Variants in NCALD observed in about 807,000 individuals in gnomAD.
NCALD encodes the protein neurocalcin-delta.
NCALD carries 10 observed loss-of-function variants against 18.6 expected under a neutral mutation model. The ratio of observed to expected loss-of-function variants is 0.54; its 90% CI spans 0.33 to 0.91. The LOEUF is 0.91. Ranked by LOEUF, NCALD falls within the 40% of genes least tolerant of loss-of-function variation. The probability of loss-of-function intolerance (pLI) is 0.03; values close to 1 mark genes in which losing one functional copy is unlikely to be tolerated. For synonymous variants in NCALD, 88 were observed against 87.4 expected (o/e 1.01, Z -0.04); for missense variants, 184 against 247.6 (o/e 0.74, Z 1.72).
At chr8:102,032,809 C>G (rs1012919535) in intron 1 of NCALD, among the ~76,000 whole-genome samples, 3 of 152,066 alleles carry the variant, frequency 2.0e-5, no homozygotes, top group Non-Finnish European at 2.9e-5. Context: ...GCCAGTTCTT[C>G]CCAGCCACCC....
intron 3 of NCALD, among the ~76,000 whole-genome samples, chr8:101,909,888 C>G (rs1309369423): frequency 6.6e-6 from 1 of 152,162 alleles, no homozygotes; most frequent in East Asian, 1.9e-4. Context: ...AGACCCATAG[C>G]AAGCAACGTA....
intron 1 of NCALD, among the ~76,000 whole-genome samples, chr8:101,756,667 C>G (rs57034816): frequency 6.6e-6 from 1 of 152,194 alleles, no homozygotes; most frequent in Admixed American, 6.5e-5. Flanking sequence ...GAAGAATTAA[C>G]TAAAATAAGA....
chr8:101,819,695 T>G (rs73698849), intron 4 of NCALD, among the ~76,000 whole-genome samples: 11,009 of 152,152 alleles, frequency 0.072, 1,285 homozygotes, highest in African/African-American at 0.25. Flanking sequence ...ATTTAAAAGA[T>G]TTGGGATCTT....
intron 3 of NCALD, chr8:101,692,458 C>A: frequency 1.0e-6 from 1 of 985,436 alleles, no homozygotes; most frequent in Non-Finnish European, 1.2e-6. Flanking sequence ...AGGGACCCAG[C>A]CTGCTATAGC....
intron 1 of NCALD, among the ~76,000 whole-genome samples, chr8:102,049,911 C>T (rs1823374126): frequency 6.6e-6 from 1 of 151,642 alleles, no homozygotes; most frequent in South Asian, 2.1e-4. Context: ...GCCTGTAATC[C>T]CAGCACTTTG....
At chr8:101,828,497 T>C (rs950680044) in intron 4 of NCALD, among the ~76,000 whole-genome samples, 6 of 152,090 alleles carry the variant, frequency 3.9e-5, no homozygotes, top group African/African-American at 1.4e-4. Flanking sequence ...TTCTCAGTGA[T>C]GCTCTCTCTG....
chr8:101,895,227 G>A (rs1384010510), intron 3 of NCALD, among the ~76,000 whole-genome samples: 1 of 146,954 alleles, frequency 6.8e-6, no homozygotes, highest in African/African-American at 2.7e-5. Flanking sequence ...ATCAATAAAT[G>A]TAATCCAGCA....
At chr8:101,787,945 G>T (rs1014780003) in intron 1 of NCALD, among the ~76,000 whole-genome samples, 1 of 152,142 alleles carries the variant, frequency 6.6e-6, no homozygotes, top group Non-Finnish European at 1.5e-5. Flanking sequence ...GTTTTAACTC[G>T]CATAACTTGT....
chr8:101,921,051 C>T (rs1450494964), intron 2 of NCALD, among the ~76,000 whole-genome samples: 2 of 152,022 alleles, frequency 1.3e-5, no homozygotes, highest in Admixed American at 6.5e-5. Flanking sequence ...TCAGCATGTC[C>T]GATTGAGAAG....
chr8:101,864,784 CG>C (rs1815698930), intron 4 of NCALD, among the ~76,000 whole-genome samples: 1 of 151,854 alleles, frequency 6.6e-6, no homozygotes, highest in Non-Finnish European at 1.5e-5. Flanking sequence ...TTAGTAGAGA[CG>C]GGGTTTCACC....
At chr8:101,761,573 T>C (rs1811110404) in intron 1 of NCALD, among the ~76,000 whole-genome samples, 1 of 152,214 alleles carries the variant, frequency 6.6e-6, no homozygotes, top group African/African-American at 2.4e-5. Context: ...ATTAAGAACT[T>C]ATCATTTGAA....
At position 101,808,512 on chromosome 8, in the gene NCALD, C is replaced by T. The variant is rs1275511885; in HGVS notation, c.-20+78629G>A. Among the ~76,000 whole-genome samples, 3 of 152,244 alleles carry T rather than the reference C, an allele frequency of 2.0e-5. No homozygotes were observed. The East Asian group carries it at 5.8e-4, about 29-fold the overall frequency. On this transcript the variant is annotated intron_variant, in intron 4 of 6. Transcript: ENST00000311028. Reference sequence around the variant, plus strand: ...TCTTCCATAGATATAGAATCTTTAGCTTGTTAATAGCTGCAAAGAATAAAG... The same window carrying T: ...TCTTCCATAGATATAGAATCTTTAGTTTGTTAATAGCTGCAAAGAATAAAG...
At chr8:102,072,433 A>T (rs1048298957) in intron 1 of NCALD, among the ~76,000 whole-genome samples, 17 of 152,212 alleles carry the variant, frequency 1.1e-4, no homozygotes, top group Admixed American at 5.9e-4. Context: ...AGGTTTAACC[A>T]CATGAAATTT....
At chr8:101,711,378 A>G (rs1050945213) in intron 2 of NCALD, among the ~76,000 whole-genome samples, 1 of 152,002 alleles carries the variant, frequency 6.6e-6, no homozygotes, top group Middle Eastern at 3.2e-3. Flanking sequence ...ATGGATCACA[A>G]CCCCTCGCGG....
intron 2 of NCALD, among the ~76,000 whole-genome samples, chr8:101,977,221 A>AT (rs566258043): frequency 1.3e-5 from 2 of 150,466 alleles, no homozygotes; most frequent in Non-Finnish European, 1.5e-5. Context: ...ATTACCCAGA[A>AT]TTTTTTTTTA....
intron 2 of NCALD, among the ~76,000 whole-genome samples, chr8:101,707,490 G>A (rs1190988898): frequency 1.3e-5 from 2 of 152,166 alleles, no homozygotes; most frequent in African/African-American, 4.8e-5. Flanking sequence ...ATTCATCACA[G>A]GGGTGAATCA....
At chr8:101,825,486 G>A (rs1813898291) in intron 4 of NCALD, among the ~76,000 whole-genome samples, 1 of 152,234 alleles carries the variant, frequency 6.6e-6, no homozygotes, top group Non-Finnish European at 1.5e-5. Flanking sequence ...TGGAGAGTGA[G>A]ATCATCTTTG....
intron 2 of NCALD, among the ~76,000 whole-genome samples, chr8:102,019,622 C>A (rs1291549871): frequency 6.6e-6 from 1 of 152,154 alleles, no homozygotes; most frequent in East Asian, 1.9e-4. Context: ...ATTTTGAAAA[C>A]CATTCCTGAC....
chr8:102,048,803 G>A (rs1289906783), intron 1 of NCALD, among the ~76,000 whole-genome samples: 4 of 152,200 alleles, frequency 2.6e-5, no homozygotes, highest in East Asian at 3.8e-4. Context: ...GTGGGACTCT[G>A]TAAGGAGAGG....
Sources: gnomAD v4.1 joint callset for allele counts (sites outside exome capture counted in the v4.1 genomes callset) on GRCh38, gnomAD v4.1.1 for gene constraint, MANE v1.5 for transcripts, NCBI Gene and HGNC (gene_info 2026-07-23, HGNC 2026-07-21) for gene names.